NDUFA10: variants seen among roughly 807,000 people sequenced by gnomAD.
The protein encoded by NDUFA10 is NADH:ubiquinone oxidoreductase subunit A10, also known as NADH dehydrogenase [ubiquinone] 1 alpha subcomplex subunit 10, mitochondrial.
NDUFA10 carries 40 observed loss-of-function variants against 47.8 expected under a neutral mutation model. That is an observed-to-expected ratio of 0.84 (90% CI 0.65 to 1.09). The LOEUF (loss-of-function observed/expected upper bound fraction) is 1.09. Among genes scored for constraint, NDUFA10 ranks in the 50% least tolerant of loss-of-function variants. The pLI is 0.00. For missense variants in NDUFA10, 413 were observed against 451.1 expected (o/e 0.92, Z 0.76); for synonymous variants, 183 against 172.2 (o/e 1.06, Z -0.49).
At chr2:239,982,057 G>T in intron 9 of NDUFA10, 1 of 1,607,088 alleles carries the variant, frequency 6.2e-7, no homozygotes. Context: ...ACGTTCTGTG[G>T]AATGTCCTCA....
intron 4 of NDUFA10, among the ~76,000 whole-genome samples, chr2:239,948,390 G>C (rs1022243965): frequency 4.6e-5 from 7 of 151,936 alleles, no homozygotes; most frequent in African/African-American, 1.7e-4. Flanking sequence ...GGGACAGAAA[G>C]TAACCGACAT....
At chr2:239,892,573 T>C (rs1313727382) in exon 6 of NDUFA10, 3 of 152,212 alleles carry the variant, frequency 2.0e-5, no homozygotes, top group African/African-American at 7.2e-5. Flanking sequence ...TTACAGGGAT[T>C]CTGGGACAGC....
chr2:239,960,935 G>A lies in NDUFA10; in HGVS notation c.*183C>T, dbSNP rs112660586. 1,106 of 1,497,272 alleles carry A rather than the reference G, an allele frequency of 7.4e-4. 16 individuals are homozygous for A. The South Asian group carries it at 0.011, about 15-fold the overall frequency. 92.7% of individuals were successfully genotyped at this position (1,497,272 alleles called of 1,614,324 possible). A position where few individuals can be genotyped will look rare whatever the true frequency, so the allele number is the denominator to read the frequency against. On this transcript the variant is annotated 3_prime_UTR_variant, in exon 10 of 10. Coordinates refer to ENST00000252711, the MANE Select transcript of NDUFA10 (RefSeq NM_004544.4). The stretch of plus-strand genomic sequence containing the variant: ...GTTCCAAACATCCAGAATGGAAGCT[G>A]CTTCCCCCAACTCCATTACCTATAC...
At chr2:239,969,118 G>A (rs531037385) in intron 9 of NDUFA10, among the ~76,000 whole-genome samples, 2 of 152,310 alleles carry the variant, frequency 1.3e-5, no homozygotes, top group South Asian at 4.1e-4. Flanking sequence ...ACATCTCTCG[G>A]CGTATGAAAC....
At chr2:239,952,391 G>A (rs948075609), downstream of NDUFA10, among the ~76,000 whole-genome samples, 1 of 151,758 alleles carries the variant, frequency 6.6e-6, no homozygotes, top group Non-Finnish European at 1.5e-5. Flanking sequence ...GGCCAGCACT[G>A]TGCAGCCCGC....
chr2:239,895,932 G>A (rs1164655831), intron 4 of NDUFA10, among the ~76,000 whole-genome samples: 2 of 152,086 alleles, frequency 1.3e-5, no homozygotes, highest in African/African-American at 4.8e-5. Flanking sequence ...TTCCGTCCAT[G>A]CATTGTTTTC....
At chr2:240,001,027 TGGTGAGCACATCACTC>T (rs1390278496) in intron 8 of NDUFA10, among the ~76,000 whole-genome samples, 1 of 152,150 alleles carries the variant, frequency 6.6e-6, no homozygotes, top group Admixed American at 6.5e-5. Flanking sequence ...CCTGCAAGGG[TGGTGAGCACATCACTC>T]GGAAGGTCAG....
chr2:240,003,768 T>C (rs957449726), intron 8 of NDUFA10, among the ~76,000 whole-genome samples: 2 of 151,908 alleles, frequency 1.3e-5, no homozygotes, highest in African/African-American at 4.8e-5. Flanking sequence ...GGCGTTGCAG[T>C]GATGAGAAGC....
chr2:239,971,472 C>CT (rs1695303693), intron 9 of NDUFA10, among the ~76,000 whole-genome samples: 1 of 152,204 alleles, frequency 6.6e-6, no homozygotes, highest in Non-Finnish European at 1.5e-5. Flanking sequence ...TCCCTTCATC[C>CT]TTTGACTTTT....
At chr2:239,950,527 C>T (rs1481968878) in intron 4 of NDUFA10, among the ~76,000 whole-genome samples, 1 of 152,156 alleles carries the variant, frequency 6.6e-6, no homozygotes, top group South Asian at 2.1e-4. Flanking sequence ...ACCTTTCCCA[C>T]TTGTGTTTAG....
In NDUFA10 at chr2:239,946,668, T is replaced by TGCAGGACCTCCCTGAAGGAG. The variant is rs1399014492; in HGVS notation, c.294+43386_294+43405dup. 3.3e-5 allele frequency among the ~76,000 whole-genome samples: 5 copies of TGCAGGACCTCCCTGAAGGAG among 152,256 alleles called. No homozygotes were observed. The East Asian group carries it at 9.6e-4, about 29-fold the overall frequency. On this transcript the variant is annotated intron_variant, in intron 4 of 5. Transcript: ENST00000419408. ...TGAGTTCAACGGCTCCTGACGCTGG[T>TGCAGGACCTCCCTGAAGGAG]GCAGGACCTCCCTGAAGGAGGCAGG...
intron 9 of NDUFA10, among the ~76,000 whole-genome samples, chr2:239,988,357 C>A (rs1696090300): frequency 6.6e-6 from 1 of 152,170 alleles, no homozygotes; most frequent in Non-Finnish European, 1.5e-5. Flanking sequence ...TGGTACGCAT[C>A]TAATCATACG....
At position 239,987,705 on chromosome 2, in the gene NDUFA10, C is replaced by T. The variant is rs185591678; in HGVS notation, c.999+2369G>A. Among the ~76,000 whole-genome samples the T allele has an allele frequency of 3.3e-5, 5 of 152,180 alleles. No individual in the cohort carries two copies. Among genetic ancestry groups the T allele is most frequent in the African/African-American group, 7.2e-5 (3 of 41,446 alleles). ...CCAAGGATGCTACATGCAGGCGCAG[C>T]GCCCAGGGAAGGGGTGGGCAGCCGT... On this transcript the variant is annotated intron_variant, in intron 9 of 9. Transcript: ENST00000252711. This position sits in a 1 kb window ranked among gnomAD's most constrained non-coding sequence, Gnocchi z 4.8.
rs7370572 is a variant in NDUFA10 at position 239,928,138 on chromosome 2, A to G, written c.295-32824T>C. Among the ~76,000 whole-genome samples, 56,504 of 151,660 alleles carry G rather than the reference A, an allele frequency of 0.37. 10,691 individuals carry two copies. The highest frequency in any genetic ancestry group is 0.46 in the Middle Eastern group (134 of 294). The stretch of plus-strand genomic sequence containing the variant: ...GCCCCCACCACAAACGCGAGTAAGG[A>G]GCAGAAGGTCTGTACAAAGATTCCA... On this transcript the variant is annotated intron_variant, in intron 4 of 5. Coordinates refer to the NDUFA10 transcript ENST00000419408. This position sits in a 1 kb window ranked among gnomAD's most constrained non-coding sequence, Gnocchi z 4.3.
intron 4 of NDUFA10, among the ~76,000 whole-genome samples, chr2:239,911,399 C>A (rs1333232777): frequency 6.6e-6 from 1 of 152,184 alleles, no homozygotes; most frequent in Non-Finnish European, 1.5e-5. Flanking sequence ...GCTCTGCAAA[C>A]CCTGGGGGAC....
intron 4 of NDUFA10, among the ~76,000 whole-genome samples, chr2:239,915,473 C>T (rs1051470269): frequency 6.9e-6 from 1 of 143,888 alleles, no homozygotes; most frequent in Non-Finnish European, 1.5e-5. Flanking sequence ...CATACATACA[C>T]ACACACAGAA....
intron 3 of NDUFA10, 76 bp from the exon 4 acceptor site, chr2:240,018,715 GAGAAA>G: frequency 1.4e-6 from 2 of 1,389,900 alleles, no homozygotes; most frequent in Non-Finnish European, 2.0e-6. Flanking sequence ...CTGCATTCCA[GAGAAA>G]AGAAAATAAC....
chr2:239,899,990 C>T (rs1269326188), intron 4 of NDUFA10, among the ~76,000 whole-genome samples: 1 of 151,930 alleles, frequency 6.6e-6, no homozygotes, highest in African/African-American at 2.4e-5. Context: ...ATCTAATCAG[C>T]TCCCAGAGAG....
chr2:239,948,409 C>T (rs752249589), intron 4 of NDUFA10, among the ~76,000 whole-genome samples: 1 of 152,258 alleles, frequency 6.6e-6, no homozygotes. Context: ...ATCTCCACAG[C>T]CTCCGCTCCA....
Sources: gnomAD v4.1 joint callset for allele counts (sites outside exome capture counted in the v4.1 genomes callset) on GRCh38, gnomAD v4.1.1 for gene constraint, Gnocchi (gnomAD v3.1) non-coding constraint, MANE v1.5 for transcripts, NCBI Gene and HGNC (gene_info 2026-07-23, HGNC 2026-07-21) for gene names.